GALNT10: variants seen among roughly 807,000 people sequenced by gnomAD.
GALNT10 encodes GalNAc transferase 10.
In GALNT10, 41 loss-of-function variants were observed where a neutral mutation model predicts 75.0. The ratio of observed to expected loss-of-function variants is 0.55; its 90% CI spans 0.43 to 0.71. The LOEUF (loss-of-function observed/expected upper bound fraction) is 0.71, where lower values mean the gene tolerates loss of function less well. Ranked by LOEUF, GALNT10 falls within the 30% of genes least tolerant of loss-of-function variation. The pLI, the probability that GALNT10 is intolerant of heterozygous loss-of-function variation, is 0.00. For missense variants in GALNT10, 727 were observed against 818.5 expected, an observed-to-expected ratio of 0.89 and a Z score of 1.36; for synonymous variants, 302 against 313.0, an observed-to-expected ratio of 0.96 and a Z score of 0.37.
chr5:154,386,792 A>T, intron 7 of GALNT10: 1 of 475,406 alleles, frequency 2.1e-6, no homozygotes, highest in Non-Finnish European at 3.7e-6. Context: ...TAGGAAGGCC[A>T]AACAGGATAC....
chr5:154,232,537 GC>G (rs1459502262), intron 1 of GALNT10, among the ~76,000 whole-genome samples: 1 of 152,192 alleles, frequency 6.6e-6, no homozygotes, highest in East Asian at 1.9e-4. Flanking sequence ...GATAATAGGT[GC>G]TATGAAGGAA....
At chr5:154,410,328 G>T (rs1375689903) in intron 9 of GALNT10, among the ~76,000 whole-genome samples, 1 of 148,902 alleles carries the variant, frequency 6.7e-6, no homozygotes. Context: ...TTGAGCTCAG[G>T]AGTTTGACAA....
intron 1 of GALNT10, among the ~76,000 whole-genome samples, chr5:154,229,572 CAA>C (rs371367712): frequency 6.9e-6 from 1 of 144,076 alleles, no homozygotes. Context: ...ACTAAAAATA[CAA>C]AAAAAAAAAT....
At chr5:154,358,242 G>C (rs1755326445) in intron 4 of GALNT10, among the ~76,000 whole-genome samples, 1 of 152,148 alleles carries the variant, frequency 6.6e-6, no homozygotes, top group Non-Finnish European at 1.5e-5. Context: ...TGTTCTGCAT[G>C]GGGGGACGTG....
At chr5:154,329,982 A>AAC (rs1754826625) in intron 4 of GALNT10, 2 of 359,072 alleles carry the variant, frequency 5.6e-6, no homozygotes, top group Non-Finnish European at 1.0e-5. Flanking sequence ...AAAAAACAGA[A>AAC]AACTTGATAA....
intron 7 of GALNT10, among the ~76,000 whole-genome samples, chr5:154,396,810 A>G (rs1427138526): frequency 6.6e-6 from 1 of 152,194 alleles, no homozygotes; most frequent in East Asian, 1.9e-4. Context: ...ATTTAGATGC[A>G]CATATGCTTA....
At position 154,352,796 on chromosome 5, in the gene GALNT10, C is replaced by G. The variant is rs1388130354; in HGVS notation, c.568+23058C>G. ...TTAAATTGTGTTAATTGAGCAAAGC[C>G]TTTTGGTTTAAGAAACCTTGACCAC... is the stretch of plus-strand genomic sequence containing the variant. On this transcript the variant is annotated intron_variant, in intron 4 of 11. Transcript: ENST00000297107. This position sits in a 1 kb window ranked among gnomAD's most constrained non-coding sequence, Gnocchi z 4.4. 1.3e-5 allele frequency among the ~76,000 whole-genome samples: 2 copies of G among 152,208 alleles called. No homozygotes were observed. Among genetic ancestry groups the G allele is most frequent in the Non-Finnish European group, 2.9e-5 (2 of 68,042 alleles).
chr5:154,294,958 G>A (rs1754250933), intron 2 of GALNT10, 40 bp downstream of exon 2: 2 of 920,564 alleles, frequency 2.2e-6, no homozygotes, highest in Non-Finnish European at 3.6e-6. Context: ...GCTCTGTGAA[G>A]GGCATATGCA....
At chr5:154,406,358 C>G (rs1277698246) in intron 8 of GALNT10, 3 of 152,210 alleles carry the variant, frequency 2.0e-5, no homozygotes, top group Non-Finnish European at 4.4e-5. Context: ...TGAGTGGTGC[C>G]TCATGGCTTC....
At chr5:154,223,911 C>A (rs1020916123) in intron 1 of GALNT10, among the ~76,000 whole-genome samples, 2 of 138,870 alleles carry the variant, frequency 1.4e-5, no homozygotes, top group Admixed American at 1.6e-4. Flanking sequence ...CAGAGCAAGA[C>A]CCTGTCTCAA....
intron 1 of GALNT10, among the ~76,000 whole-genome samples, chr5:154,283,504 G>C (rs575192601): frequency 9.2e-5 from 14 of 152,180 alleles, no homozygotes; most frequent in African/African-American, 3.4e-4. Context: ...GACAGAGTGA[G>C]AGTGAGGTGG....
At chr5:154,245,221 A>C (rs1753403039) in intron 1 of GALNT10, among the ~76,000 whole-genome samples, 1 of 152,192 alleles carries the variant, frequency 6.6e-6, no homozygotes. Context: ...ATGGGCATGC[A>C]AAGACAAGGA....
At chr5:154,282,797 G>A (rs915995948) in intron 1 of GALNT10, among the ~76,000 whole-genome samples, 13 of 152,212 alleles carry the variant, frequency 8.5e-5, no homozygotes, top group African/African-American at 3.1e-4. Flanking sequence ...TCCTTCATCT[G>A]GAAAAGATAA....
At chr5:154,203,093 C>A (rs535490094) in intron 1 of GALNT10, among the ~76,000 whole-genome samples, 1 of 152,336 alleles carries the variant, frequency 6.6e-6, no homozygotes, top group South Asian at 2.1e-4. Context: ...CTTTTGTTCT[C>A]TGTAGCAGTT....
intron 1 of GALNT10, among the ~76,000 whole-genome samples, chr5:154,260,545 C>T (rs751762146): frequency 6.6e-6 from 1 of 152,090 alleles, no homozygotes; most frequent in Non-Finnish European, 1.5e-5. Context: ...AGGATGCACC[C>T]CTTTTTAAAT....
chr5:154,357,397 G>C (rs1755312536), intron 4 of GALNT10, among the ~76,000 whole-genome samples: 1 of 152,034 alleles, frequency 6.6e-6, no homozygotes, highest in South Asian at 2.1e-4. Flanking sequence ...TAGTGGTCTG[G>C]GTGGTAGAAT....
chr5:154,284,434 C>G (rs932984162), intron 1 of GALNT10, among the ~76,000 whole-genome samples: 1 of 152,086 alleles, frequency 6.6e-6, no homozygotes, highest in South Asian at 2.1e-4. Context: ...CCCTACTTAC[C>G]CAGCTAGGAG....
intron 4 of GALNT10, among the ~76,000 whole-genome samples, chr5:154,341,008 CT>C (rs111874076): frequency 0.014 from 2,089 of 152,196 alleles, 45 homozygotes; most frequent in African/African-American, 0.046. Flanking sequence ...AGTTTAATTT[CT>C]TTTTTCCCTC....
In GALNT10 at chr5:154,409,704, C is replaced by G; in HGVS notation, c.1328C>G (p.Ala443Gly). 2 of 1,614,158 alleles carry G rather than the reference C, an allele frequency of 1.2e-6. No individual in the cohort carries two copies. Among genetic ancestry groups the G allele is most frequent in the Non-Finnish European group, 1.7e-6 (2 of 1,180,014 alleles). The change falls in exon 9 of 12, where the codon GCC (alanine) becomes GGC (glycine). Residue 443 changes from alanine (A) to glycine (G), a missense_variant. By Grantham distance (60) the Ala-to-Gly change is moderately conservative. Transcript: ENST00000297107. The surrounding 1 kb of genome is among the most constrained non-coding windows in gnomAD (Gnocchi z 4.5). ...TTCAAGTGGTTTATGACGAAGATAG[C>G]CTGGGACCTGCCCAAATTCTACCCA... The part of the protein sequence containing the change: ...KSFKWFMTKI[A>G]WDLPKFYPPV...
Sources: allele counts gnomAD v4.1 joint callset (sites outside exome capture counted in the v4.1 genomes callset), GRCh38; gene constraint gnomAD v4.1.1; non-coding constraint Gnocchi (gnomAD v3.1); transcripts MANE v1.5; gene names NCBI Gene and HGNC (gene_info 2026-07-23, HGNC 2026-07-21).